AMPH: variants seen among roughly 807,000 people sequenced by gnomAD.
AMPH encodes amphiphysin (Stiff-Mann syndrome with breast cancer 128kD autoantigen).
In AMPH, 49 loss-of-function variants were observed where a neutral mutation model predicts 99.1. The ratio of observed to expected loss-of-function variants is 0.49; its 90% CI spans 0.39 to 0.63. The LOEUF is 0.63. AMPH is among the 20% of genes least tolerant of loss of function. The pLI is 0.00. For synonymous variants in AMPH, 314 were observed against 317.3 expected (o/e 0.99, Z 0.11); for missense variants, 759 against 863.4 (o/e 0.88, Z 1.52).
intron 1 of AMPH, among the ~76,000 whole-genome samples, chr7:38,590,740 T>C (rs1410346197): frequency 1.3e-5 from 2 of 152,150 alleles, no homozygotes; most frequent in Non-Finnish European, 2.9e-5. Flanking sequence ...CAGCTAGGCT[T>C]AAGAATTCCT....
At chr7:38,406,728 TTCCCTC>T (rs1331280081) in intron 17 of AMPH, among the ~76,000 whole-genome samples, 4,189 of 53,866 alleles carry the variant, frequency 0.078, 318 homozygotes, top group African/African-American at 0.18. Flanking sequence ...CTCTCTCCCT[TTCCCTC>T]TCTCTCTCTC....
At chr7:38,466,319 C>T (rs1451189429) in intron 7 of AMPH, 71 bp from the exon 8 acceptor site, 6 of 1,240,466 alleles carry the variant, frequency 4.8e-6, no homozygotes, top group Non-Finnish European at 6.8e-6. Context: ...ATTTTAATAG[C>T]AATGAAATGT....
At chr7:38,468,959 C>A (rs1207913495) in intron 7 of AMPH, among the ~76,000 whole-genome samples, 1 of 70,622 alleles carries the variant, frequency 1.4e-5, no homozygotes, top group Non-Finnish European at 2.7e-5. Flanking sequence ...TCGAGACCAT[C>A]CCGGCTAAAA....
intron 3 of AMPH, among the ~76,000 whole-genome samples, chr7:38,503,319 C>A (rs1789206811): frequency 6.6e-6 from 1 of 152,194 alleles, no homozygotes; most frequent in Non-Finnish European, 1.5e-5. Context: ...GGCATGTGGT[C>A]TCCCTCAGGA....
intron 1 of AMPH, among the ~76,000 whole-genome samples, chr7:38,560,308 T>C (rs941588513): frequency 5.9e-5 from 9 of 152,156 alleles, no homozygotes; most frequent in African/African-American, 1.9e-4. Flanking sequence ...CACACAGCCA[T>C]CTCATCCCAA....
chr7:38,564,268 G>T (rs1156583588), intron 1 of AMPH, among the ~76,000 whole-genome samples: 1 of 152,204 alleles, frequency 6.6e-6, no homozygotes, highest in East Asian at 1.9e-4. Context: ...GTGGAGATGA[G>T]GTGACAGAAC....
At chr7:38,565,090 C>G (rs1049274876) in intron 1 of AMPH, among the ~76,000 whole-genome samples, 3 of 148,458 alleles carry the variant, frequency 2.0e-5, no homozygotes, top group Non-Finnish European at 4.4e-5. Flanking sequence ...TGCCACTGCA[C>G]TCCAGCCTGG....
intron 2 of AMPH, among the ~76,000 whole-genome samples, chr7:38,509,468 C>T (rs1475942589): frequency 1.3e-5 from 2 of 152,194 alleles, no homozygotes; most frequent in Non-Finnish European, 1.5e-5. Context: ...ACAATCTCTC[C>T]ATTTATTTCC....
rs184868923 is a variant in AMPH at position 38,581,568 on chromosome 7, T to C, written c.70-46557A>G. Among the ~76,000 whole-genome samples the C allele has an allele frequency of 1.5e-3, 223 of 152,260 alleles. 1 individual carries two copies. Among genetic ancestry groups the C allele is most frequent in the Admixed American group, 2.9e-3 (45 of 15,290 alleles). On this transcript the variant is annotated intron_variant, in intron 1 of 20. Transcript: ENST00000356264. ...TGAGTGACATGAAAAGTTGCTGATA[T>C]GTTTGGGACACGATAGAGCCTCACT...
At chr7:38,579,289 C>G (rs1337671405) in intron 1 of AMPH, among the ~76,000 whole-genome samples, 1 of 152,222 alleles carries the variant, frequency 6.6e-6, no homozygotes, top group East Asian at 1.9e-4. Flanking sequence ...CAGTCCAGGG[C>G]TGTCTCCAGT....
At chr7:38,446,295 C>T (rs564723723) in intron 11 of AMPH, among the ~76,000 whole-genome samples, 5 of 152,270 alleles carry the variant, frequency 3.3e-5, no homozygotes, top group African/African-American at 9.6e-5. Flanking sequence ...TATGATCTAG[C>T]TAGTTTATCC....
At chr7:38,486,287 G>T (rs1027812643) in intron 5 of AMPH, among the ~76,000 whole-genome samples, 2 of 151,400 alleles carry the variant, frequency 1.3e-5, no homozygotes, top group African/African-American at 4.8e-5. Context: ...AAATAAAAAG[G>T]TTAAGAGACT....
chr7:38,466,265 CA>C lies in AMPH; in HGVS notation c.591-18del. 1 of 1,574,300 alleles carries C rather than the reference CA, an allele frequency of 6.4e-7. No individual in the cohort carries two copies. Among genetic ancestry groups the C allele is most frequent in the Non-Finnish European group, 8.6e-7 (1 of 1,163,780 alleles). Reference sequence around the variant, plus strand: ...CCAACTCGTCTGCCATGTGGAAACACAAAGAGGAAAGAAGAGAGAGGGAAAG... The same window carrying C: ...CCAACTCGTCTGCCATGTGGAAACACAAGAGGAAAGAAGAGAGAGGGAAAG... On this transcript the variant is annotated intron_variant, in intron 7 of 20. Transcript: ENST00000356264.
At chr7:38,588,905 C>G (rs1213807852) in intron 1 of AMPH, among the ~76,000 whole-genome samples, 2 of 152,058 alleles carry the variant, frequency 1.3e-5, no homozygotes, top group East Asian at 3.8e-4. Context: ...ATCTGAAGTT[C>G]AAACACCCTC....
At chr7:38,620,069 T>C (rs1793999321) in intron 1 of AMPH, among the ~76,000 whole-genome samples, 1 of 151,856 alleles carries the variant, frequency 6.6e-6, no homozygotes, top group Non-Finnish European at 1.5e-5. Flanking sequence ...TTTGTAACCA[T>C]TATCAGATAG....
At chr7:38,490,065 C>T (rs867544139) in intron 5 of AMPH, among the ~76,000 whole-genome samples, 7 of 152,262 alleles carry the variant, frequency 4.6e-5, no homozygotes, top group Admixed American at 3.3e-4. Context: ...GCTCCACAAA[C>T]ATTACAAATC....
At chr7:38,521,662 A>G (rs1789969877) in intron 2 of AMPH, among the ~76,000 whole-genome samples, 1 of 152,184 alleles carries the variant, frequency 6.6e-6, no homozygotes, top group African/African-American at 2.4e-5. Flanking sequence ...ATACTTCATT[A>G]AAGGAAAGGA....
intron 11 of AMPH, among the ~76,000 whole-genome samples, chr7:38,460,613 T>A (rs1401976452): frequency 2.0e-5 from 3 of 152,066 alleles, no homozygotes. Flanking sequence ...AAAAGACAGA[T>A]GCCACAAATT....
At chr7:38,505,284 T>G (rs1408575952) in intron 2 of AMPH, among the ~76,000 whole-genome samples, 1 of 152,210 alleles carries the variant, frequency 6.6e-6, no homozygotes, top group African/African-American at 2.4e-5. Flanking sequence ...TGTGCAGGTA[T>G]AGTGGCATTA....
Sources: gnomAD v4.1 joint callset for allele counts (sites outside exome capture counted in the v4.1 genomes callset) on GRCh38, gnomAD v4.1.1 for gene constraint, MANE v1.5 for transcripts, NCBI Gene and HGNC (gene_info 2026-07-23, HGNC 2026-07-21) for gene names.